The following GADD45B variants were observed in gnomAD, a reference collection of about 807,000 sequenced individuals.
The protein encoded by GADD45B is growth arrest and DNA damage-inducible protein GADD45 beta.
A neutral mutation model predicts 15.2 loss-of-function variants in GADD45B; 8 were observed. The ratio of observed to expected loss-of-function variants is 0.53; its 90% CI spans 0.31 to 0.95. GADD45B has a LOEUF of 0.95. Ranked by LOEUF, GADD45B falls within the 40% of genes least tolerant of loss-of-function variation. The pLI is 0.05. For synonymous variants in GADD45B, 100 were observed against 89.8 expected (o/e 1.11, Z -0.64); for missense variants, 162 against 216.6 (o/e 0.75, Z 1.58).
chr19:2,476,882 C>T lies in GADD45B; in HGVS notation c.147-147C>T. On this transcript the variant is annotated intron_variant, in intron 2 of 3. Transcript: ENST00000215631. ...TTTGAACCGTGTGCCCTCCCCTCCC[C>T]CCACCGTCACCAGCTTGCAGAGGCA... 4.8e-6 allele frequency: 3 copies of T among 628,336 alleles called. No homozygotes were observed. In the South Asian group the frequency reaches 5.7e-5, roughly 12 times the overall value. The allele number at this position is 628,336 out of a possible 1,614,324, so 38.9% of individuals were successfully genotyped here.
At chr19:2,476,744 C>G in intron 2 of GADD45B, 114 bp downstream of exon 2, 1 of 678,154 alleles carries the variant, frequency 1.5e-6, no homozygotes, top group Non-Finnish European at 2.5e-6. Flanking sequence ...CAAGTGCCCC[C>G]CGCTGTGGAT....
chr19:2,477,747 G>A lies in GADD45B; in HGVS notation c.*146G>A, dbSNP rs953707581. 2.5e-5 allele frequency: 13 copies of A among 517,554 alleles called. No homozygotes were observed. The highest frequency in any genetic ancestry group is 4.2e-5 in the Non-Finnish European group (12 of 287,138). 32.1% of individuals were successfully genotyped at this position (517,554 alleles called of 1,614,324 possible). On this transcript the variant is annotated 3_prime_UTR_variant, in exon 4 of 4. Coordinates refer to ENST00000215631, the MANE Select transcript of GADD45B (RefSeq NM_015675.4). The surrounding 1 kb of genome is among the most constrained non-coding windows in gnomAD (Gnocchi z 4.2). ...GGGGGCAGAGTCGTTGGAGACTGAA[G>A]AGGAAGAGGAGGAGGAGAAGGGGAG...
Position 2,477,381 on chromosome 19 carries a change from G to A in GADD45B, c.370-107G>A. The A allele has an allele frequency of 9.9e-7, 1 of 1,008,956 alleles. No individual in the cohort carries two copies. The highest frequency in any genetic ancestry group is 1.5e-6 in the Non-Finnish European group (1 of 679,490). The allele number at this position is 1,008,956 out of a possible 1,614,324, so 62.5% of individuals were successfully genotyped here. On this transcript the variant is annotated intron_variant, in intron 3 of 3. Transcript: ENST00000215631. This position sits in a 1 kb window ranked among gnomAD's most constrained non-coding sequence, Gnocchi z 4.2. ...TTTGGCATGTCCCGTGGGCAGCCGG[G>A]CTGGGGCCTCCTCACCCAGGAAGCT...
rs140354512 is a variant in GADD45B, at chr19:2,478,225, T to C, written c.*624T>C. 5.5e-4 allele frequency: 84 copies of C among 152,260 alleles called. 1 individual carries two copies. The highest frequency in any genetic ancestry group is 1.9e-3 in the African/African-American group (77 of 41,532). 9.4% of individuals were successfully genotyped at this position (152,260 alleles called of 1,614,324 possible). On this transcript the variant is annotated 3_prime_UTR_variant, in exon 4 of 4. Transcript: ENST00000215631. ...TAGATATCTATATTTTTATTTCTAC[T>C]ATGAGGGCCTTGTAATAAATTTCTA...
chr19:2,477,825 T>G lies in GADD45B; in HGVS notation c.*224T>G. 2.6e-6 allele frequency: 1 copy of G among 382,696 alleles called. No homozygotes were observed. The allele number at this position is 382,696 out of a possible 1,614,324, so 23.7% of individuals were successfully genotyped here. ...CAGGAGCTGGCGGCCGCCGATCCGA[T>G]GGAGAAGGGGGGACCCAGGCCAGCA... On this transcript the variant is annotated 3_prime_UTR_variant, in exon 4 of 4. Coordinates refer to ENST00000215631, the MANE Select transcript of GADD45B (RefSeq NM_015675.4). The surrounding 1 kb of genome is among the most constrained non-coding windows in gnomAD (Gnocchi z 4.2).
At position 2,477,603 on chromosome 19, in the gene GADD45B, G is replaced by A; in HGVS notation, c.*2G>A. On this transcript the variant is annotated 3_prime_UTR_variant, in exon 4 of 4. Transcript: ENST00000215631. This position sits in a 1 kb window ranked among gnomAD's most constrained non-coding sequence, Gnocchi z 4.2. ...TACATCTCTCTTCAGGAACGCTGAG[G>A]CCCTTCCCAGCAGCAGAATCTGTTG... 2 of 1,521,282 alleles carry A rather than the reference G, an allele frequency of 1.3e-6. No individual in the cohort carries two copies. Among genetic ancestry groups the A allele is most frequent in the Non-Finnish European group, 1.8e-6 (2 of 1,096,074 alleles). 94.2% of individuals were successfully genotyped at this position (1,521,282 alleles called of 1,614,324 possible). A position where few individuals can be genotyped will look rare whatever the true frequency, so the allele number is the denominator to read the frequency against.
chr19:2,477,484 A>T lies in GADD45B; in HGVS notation c.370-4A>T. Reference sequence around the variant, plus strand: ...CACTAAACCCCTTCTTTTCCCTCCTACAGAACCCTCACACGGACGCCTGGA... The same window carrying T: ...CACTAAACCCCTTCTTTTCCCTCCTTCAGAACCCTCACACGGACGCCTGGA... On this transcript the variant is annotated splice_region_variant and splice_polypyrimidine_tract_variant and intron_variant, in intron 3 of 3. Coordinates refer to ENST00000215631, the MANE Select transcript of GADD45B (RefSeq NM_015675.4). This position sits in a 1 kb window ranked among gnomAD's most constrained non-coding sequence, Gnocchi z 4.2. 7 of 1,600,436 alleles carry T rather than the reference A, an allele frequency of 4.4e-6. No homozygotes were observed. The highest frequency in any genetic ancestry group is 6.0e-6 in the Non-Finnish European group (7 of 1,167,956).
intron 2 of GADD45B, 69 bp downstream of exon 2, chr19:2,476,699 C>A: frequency 1.1e-6 from 1 of 930,230 alleles, no homozygotes; most frequent in Non-Finnish European, 1.6e-6. Context: ...TGGACGCTTT[C>A]CGCACGCTTG....
chr19:2,476,646 T>A lies in GADD45B; in HGVS notation c.146+16T>A. On this transcript the variant is annotated intron_variant, in intron 2 of 3. Coordinates refer to ENST00000215631, the MANE Select transcript of GADD45B (RefSeq NM_015675.4). ...TGATGAATGTGTGAGTCAGACCCCC[T>A]TCCCGGGCTGGGCGCGGGTGGGACG... The A allele has an allele frequency of 6.8e-7, 1 of 1,471,256 alleles. No individual in the cohort carries two copies. Among genetic ancestry groups the A allele is most frequent in the Non-Finnish European group, 9.3e-7 (1 of 1,079,138 alleles). The allele number at this position is 1,471,256 out of a possible 1,614,324, so 91.1% of individuals were successfully genotyped here. A position where few individuals can be genotyped will look rare whatever the true frequency, so the allele number is the denominator to read the frequency against.
chr19:2,476,489 G>A lies in GADD45B; in HGVS notation c.45-40G>A, dbSNP rs202192151. On this transcript the variant is annotated intron_variant, in intron 1 of 3. Transcript: ENST00000215631. ...GGGCCGGGAGCGGAACGTAGCACCC[G>A]GTGGTCCGCCCGTCACTGATCCCTC... The A allele has an allele frequency of 1.5e-4, 243 of 1,599,236 alleles. No individual in the cohort carries two copies. In the East Asian group the frequency reaches 3.3e-3, roughly 22 times the overall value.
At position 2,476,645 on chromosome 19, in the gene GADD45B, C is replaced by T; in HGVS notation, c.146+15C>T. The T allele has an allele frequency of 4.7e-6, 7 of 1,478,426 alleles. No homozygotes were observed. The South Asian group carries it at 6.3e-5, about 13-fold the overall frequency. The allele number at this position is 1,478,426 out of a possible 1,614,324, so 91.6% of individuals were successfully genotyped here. A position where few individuals can be genotyped will look rare whatever the true frequency, so the allele number is the denominator to read the frequency against. On this transcript the variant is annotated intron_variant, in intron 2 of 3. Coordinates refer to ENST00000215631, the MANE Select transcript of GADD45B (RefSeq NM_015675.4). ...TTGATGAATGTGTGAGTCAGACCCC[C>T]TTCCCGGGCTGGGCGCGGGTGGGAC... is the stretch of plus-strand genomic sequence containing the variant.
Position 2,477,551 on chromosome 19 carries a change from A to G in GADD45B, c.433A>G (p.Ser145Gly). 1 of 1,613,834 alleles carries G rather than the reference A, an allele frequency of 6.2e-7. No individual in the cohort carries two copies. Among genetic ancestry groups the G allele is most frequent in the Non-Finnish European group, 8.5e-7 (1 of 1,179,750 alleles). ...LVEVASYCEE[S>G]RGNNQWVPYI... is the part of the protein sequence containing the mutation. ...GGAGGTGGCCAGCTACTGCGAAGAA[A>G]GCCGGGGCAACAACCAGTGGGTCCC... The change falls in exon 4 of 4, where the codon AGC becomes GGC. Residue 145 changes from serine to glycine, a missense_variant. Transcript: ENST00000215631. The surrounding 1 kb of genome is among the most constrained non-coding windows in gnomAD (Gnocchi z 4.2).
In GADD45B at chr19:2,476,736, A is replaced by C. The variant is rs1168358132; in HGVS notation, c.146+106A>C. The C allele has an allele frequency of 3.8e-5, 27 of 702,676 alleles. No individual in the cohort carries two copies. In the Admixed American group the frequency reaches 7.9e-4, roughly 20 times the overall value. 43.5% of individuals were successfully genotyped at this position (702,676 alleles called of 1,614,324 possible). On this transcript the variant is annotated intron_variant, in intron 2 of 3. Coordinates refer to ENST00000215631, the MANE Select transcript of GADD45B (RefSeq NM_015675.4). The stretch of plus-strand genomic sequence containing the variant: ...CTTGCATGGAGCTGGGACTTCCCCA[A>C]GTGCCCCCCGCTGTGGATGCAGAGC...
At position 2,476,511 on chromosome 19, in the gene GADD45B, C is replaced by T. The variant is rs781696614; in HGVS notation, c.45-18C>T. The stretch of plus-strand genomic sequence containing the variant: ...CCCGGTGGTCCGCCCGTCACTGATC[C>T]CTCTTTCCTGGTCTCAGGATGCAGA... On this transcript the variant is annotated intron_variant, in intron 1 of 3. Coordinates refer to ENST00000215631, the MANE Select transcript of GADD45B (RefSeq NM_015675.4). 6.9e-6 allele frequency: 11 copies of T among 1,605,296 alleles called. No homozygotes were observed. The highest frequency in any genetic ancestry group is 1.1e-5 in the South Asian group (1 of 90,672).
At chr19:2,476,896 C>T (rs1158744975) in intron 2 of GADD45B, 133 bp from the exon 3 acceptor site, 4 of 638,384 alleles carry the variant, frequency 6.3e-6, no homozygotes, top group Admixed American at 5.5e-5. Flanking sequence ...CCGTCACCAG[C>T]TTGCAGAGGC....
chr19:2,476,684 C>T, intron 2 of GADD45B, 54 bp downstream of exon 2: 1 of 1,032,202 alleles, frequency 9.7e-7, no homozygotes, highest in African/African-American at 1.6e-5. Flanking sequence ...ACCTCCCCTC[C>T]GCTCTGGACG....
At position 2,476,332 on chromosome 19, in the gene GADD45B, G is replaced by T. The variant is rs755815104; in HGVS notation, c.-27G>T. 5.0e-6 allele frequency: 8 copies of T among 1,611,984 alleles called. No homozygotes were observed. The highest frequency in any genetic ancestry group is 6.8e-6 in the Non-Finnish European group (8 of 1,178,412). The stretch of plus-strand genomic sequence containing the variant: ...TCTCCCTGGGGACTGCCGTGGAGCC[G>T]CATCCACTGTGGATTATAATTGCAA... On this transcript the variant is annotated 5_prime_UTR_variant, in exon 1 of 4. Coordinates refer to ENST00000215631, the MANE Select transcript of GADD45B (RefSeq NM_015675.4).
chr19:2,477,479 C>A lies in GADD45B; in HGVS notation c.370-9C>A. On this transcript the variant is annotated splice_polypyrimidine_tract_variant and intron_variant, in intron 3 of 3. Coordinates refer to ENST00000215631, the MANE Select transcript of GADD45B (RefSeq NM_015675.4). This position sits in a 1 kb window ranked among gnomAD's most constrained non-coding sequence, Gnocchi z 4.2. ...GGCTCCACTAAACCCCTTCTTTTCC[C>A]TCCTACAGAACCCTCACACGGACGC... 1 of 1,590,306 alleles carries A rather than the reference C, an allele frequency of 6.3e-7. No homozygotes were observed. The highest frequency in any genetic ancestry group is 8.6e-7 in the Non-Finnish European group (1 of 1,158,982).
chr19:2,477,782 GC>G lies in GADD45B; in HGVS notation c.*186del. ...AGGAGGAGAAGGGGAGTGAGCGGCC[GC>G]CCCCAGGGCGGAGATCCAGGAGCTG... On this transcript the variant is annotated 3_prime_UTR_variant, in exon 4 of 4. Transcript: ENST00000215631. This position sits in a 1 kb window ranked among gnomAD's most constrained non-coding sequence, Gnocchi z 4.2. 1 of 428,900 alleles carries G rather than the reference GC, an allele frequency of 2.3e-6. No homozygotes were observed. Among genetic ancestry groups the G allele is most frequent in the Non-Finnish European group, 4.2e-6 (1 of 235,716 alleles). 26.6% of individuals were successfully genotyped at this position (428,900 alleles called of 1,614,324 possible).
Sources: gnomAD v4.1 joint callset for allele counts on GRCh38, gnomAD v4.1.1 for gene constraint, Gnocchi (gnomAD v3.1) non-coding constraint, MANE v1.5 for transcripts, NCBI Gene and HGNC (gene_info 2026-07-23, HGNC 2026-07-21) for gene names.